The following ATAD1 variants were observed in gnomAD, a reference collection of about 807,000 sequenced individuals.
The protein encoded by ATAD1 is outer mitochondrial transmembrane helix translocase.
In ATAD1, 18 loss-of-function variants were observed where a neutral mutation model predicts 42.7. The ratio of observed to expected loss-of-function variants is 0.42; its 90% confidence interval spans 0.29 to 0.63. The LOEUF (loss-of-function observed/expected upper bound fraction) is 0.63, where lower values mean the gene tolerates loss of function less well. ATAD1 is among the 20% of genes least tolerant of loss of function. ATAD1 has a pLI of 0.19. For missense variants in ATAD1, 294 were observed against 440.4 expected (o/e 0.67, Z 2.98); for synonymous variants, 132 against 143.1 (o/e 0.92, Z 0.55).
At chr10:87,797,285 T>C (rs941397188) in intron 2 of ATAD1, among the ~76,000 whole-genome samples, 1 of 151,994 alleles carries the variant, frequency 6.6e-6, no homozygotes, top group Non-Finnish European at 1.5e-5. Context: ...AAAACCTCTC[T>C]AATTTGGCTA....
At chr10:87,785,856 T>C (rs1855810003) in intron 4 of ATAD1, among the ~76,000 whole-genome samples, 1 of 152,130 alleles carries the variant, frequency 6.6e-6, no homozygotes, top group African/African-American at 2.4e-5. Context: ...GTCTTTATAA[T>C]TCTTGAAGAT....
At chr10:87,760,196 GCT>G (rs957321704) in intron 8 of ATAD1, among the ~76,000 whole-genome samples, 9 of 152,084 alleles carry the variant, frequency 5.9e-5, no homozygotes, top group African/African-American at 2.2e-4. Context: ...ATATGGTCTG[GCT>G]CTGTGTCCCC....
intron 1 of ATAD1, among the ~76,000 whole-genome samples, chr10:87,830,623 A>G (rs1857811060): frequency 6.6e-6 from 1 of 152,190 alleles, no homozygotes; most frequent in Non-Finnish European, 1.5e-5. Flanking sequence ...TACTACTTTT[A>G]TCAAGAATAA....
intron 2 of ATAD1, among the ~76,000 whole-genome samples, chr10:87,806,120 T>C (rs902130567): frequency 5.3e-5 from 8 of 152,146 alleles, no homozygotes; most frequent in African/African-American, 1.7e-4. Context: ...ATTCTGATTA[T>C]TTCTTTGCAG....
At chr10:87,762,263 T>A (rs1263843089) in intron 8 of ATAD1, among the ~76,000 whole-genome samples, 3 of 152,200 alleles carry the variant, frequency 2.0e-5, no homozygotes, top group Admixed American at 1.3e-4. Flanking sequence ...TGGTTTAAAT[T>A]AAATAACTGT....
Position 87,754,757 on chromosome 10 carries a change from G to A in ATAD1, c.1016C>T (p.Ala339Val), listed in dbSNP as rs369812479. The A allele has an allele frequency of 1.9e-6, 3 of 1,613,336 alleles. No homozygotes were observed. The African/African-American group carries it at 4.0e-5, about 22-fold the overall frequency. Residue 339 changes from alanine to valine, a missense_variant, in exon 10 of 10, where the codon GCA becomes GTA. By Grantham distance (64) the Ala-to-Val change is moderately conservative. This residue lies in a region of ATAD1 where 142 missense variants were observed against 174.6 expected (regional missense o/e 0.81). Coordinates refer to ENST00000680024, the MANE Select transcript of ATAD1 (RefSeq NM_001321967.2). ...CTTTGATTTCTTCATCTTTTCAATT[G>A]CCCGATGCAGGTCCTGCTGTTGAAC... ...RPVQQQDLHR[A>V]IEKMKKSKDA... is the part of the protein sequence containing the mutation.
intron 2 of ATAD1, among the ~76,000 whole-genome samples, chr10:87,806,034 G>C (rs1362310630): frequency 6.6e-6 from 1 of 152,150 alleles, no homozygotes. Flanking sequence ...CAGTGGGAAA[G>C]AAGTGAGAAG....
chr10:87,831,403 G>A (rs1857826506), intron 1 of ATAD1, among the ~76,000 whole-genome samples: 1 of 152,238 alleles, frequency 6.6e-6, no homozygotes, highest in Non-Finnish European at 1.5e-5. Flanking sequence ...AGGCTGCACA[G>A]ATTAAGTCTA....
At chr10:87,763,480 G>A (rs1217434236) in intron 8 of ATAD1, among the ~76,000 whole-genome samples, 2 of 152,304 alleles carry the variant, frequency 1.3e-5, no homozygotes, top group Non-Finnish European at 2.9e-5. Flanking sequence ...ATAACAGAGC[G>A]AGACCCTTTC....
intron 5 of ATAD1, 115 bp from the exon 6 acceptor site, chr10:87,776,542 C>A: frequency 1.4e-6 from 1 of 724,538 alleles, no homozygotes; most frequent in East Asian, 2.9e-5. Flanking sequence ...AATTACAGCA[C>A]ATTGCAACCT....
chr10:87,762,088 C>T (rs1375320286), intron 8 of ATAD1, among the ~76,000 whole-genome samples: 1 of 152,090 alleles, frequency 6.6e-6, no homozygotes, highest in East Asian at 1.9e-4. Flanking sequence ...AACTAAATAA[C>T]CTGTGTAAAT....
chr10:87,771,140 TA>T lies in ATAD1; in HGVS notation c.691-100del, dbSNP rs1855011622. 3 of 780,142 alleles carry T rather than the reference TA, an allele frequency of 3.8e-6. No individual in the cohort carries two copies. In the African/African-American group the frequency reaches 5.3e-5, roughly 14 times the overall value. 48.3% of individuals were successfully genotyped at this position (780,142 alleles called of 1,614,324 possible). A position where few individuals can be genotyped will look rare whatever the true frequency, so the allele number is the denominator to read the frequency against. ...TAGTTTTAAAAATTAAGTGGTATTT[TA>T]ACTAAATCCTTTGTAAGAAATCTGA... On this transcript the variant is annotated intron_variant, in intron 6 of 9. Coordinates refer to ENST00000680024, the MANE Select transcript of ATAD1 (RefSeq NM_001321967.2).
At chr10:87,790,119 T>C (rs1010622404) in intron 4 of ATAD1, among the ~76,000 whole-genome samples, 191 bp downstream of exon 4, 1 of 152,222 alleles carries the variant, frequency 6.6e-6, no homozygotes, top group African/African-American at 2.4e-5. Flanking sequence ...TATTTTAACA[T>C]GTAAATACAG....
intron 8 of ATAD1, among the ~76,000 whole-genome samples, chr10:87,762,608 T>A (rs1000648852): frequency 1.3e-5 from 2 of 151,632 alleles, no homozygotes; most frequent in African/African-American, 4.8e-5. Flanking sequence ...AGGATTACGG[T>A]TGCCAGCCAC....
At position 87,784,453 on chromosome 10, in the gene ATAD1, T is replaced by G. The variant is rs530467116; in HGVS notation, c.583+17A>C. On this transcript the variant is annotated intron_variant, in intron 5 of 9. Transcript: ENST00000680024. ...AAAATGGCCTTTAAAAATACTCATA[T>G]AGAAAACATAGCATACCTATTTCAT... The G allele has an allele frequency of 1.2e-6, 2 of 1,609,498 alleles. No individual in the cohort carries two copies. The highest frequency in any genetic ancestry group is 2.2e-5 in the East Asian group (1 of 44,770).
intron 5 of ATAD1, among the ~76,000 whole-genome samples, chr10:87,781,799 C>T (rs937430588): frequency 1.1e-4 from 17 of 152,088 alleles, no homozygotes; most frequent in African/African-American, 4.1e-4. Flanking sequence ...TGCGTTACCA[C>T]ACCCGGCTAA....
intron 6 of ATAD1, 112 bp downstream of exon 6, chr10:87,776,209 G>T: frequency 1.3e-6 from 1 of 745,956 alleles, no homozygotes; most frequent in East Asian, 2.5e-5. Flanking sequence ...AGTCATAAGT[G>T]TAAATAATTA....
chr10:87,770,341 T>C (rs990956076), intron 7 of ATAD1, among the ~76,000 whole-genome samples: 10 of 152,240 alleles, frequency 6.6e-5, no homozygotes, highest in Non-Finnish European at 1.3e-4. Context: ...AATTCAAGAT[T>C]TGAAGATCTG....
At chr10:87,775,316 G>C (rs917297491) in intron 6 of ATAD1, among the ~76,000 whole-genome samples, 1 of 149,776 alleles carries the variant, frequency 6.7e-6, no homozygotes, top group Admixed American at 6.7e-5. Context: ...AGCTACTTGG[G>C]AGGCTGAAGC....
Sources: allele counts gnomAD v4.1 joint callset (sites outside exome capture counted in the v4.1 genomes callset), GRCh38; gene constraint gnomAD v4.1.1; regional missense constraint gnomAD v4.1.1; transcripts MANE v1.5; gene names NCBI Gene and HGNC (gene_info 2026-07-23, HGNC 2026-07-21).